Variants in KIF2A observed in about 807,000 individuals in gnomAD.
KIF2A encodes the protein kinesin family member 2A, also known as kinesin-like protein KIF2A.
A neutral mutation model predicts 100.2 loss-of-function variants in KIF2A; 22 were observed. The ratio of observed to expected loss-of-function variants is 0.22; its 90% CI spans 0.16 to 0.31. The LOEUF (loss-of-function observed/expected upper bound fraction) is 0.31, where lower values mean the gene tolerates loss of function less well. Ranked by LOEUF, KIF2A falls within the 10% of genes least tolerant of loss-of-function variation. The probability of loss-of-function intolerance (pLI) is 1.00; values close to 1 mark genes in which losing one functional copy is unlikely to be tolerated. For missense variants in KIF2A, 495 were observed against 898.7 expected, an observed-to-expected ratio of 0.55 and a Z score of 5.74; for synonymous variants, 268 against 285.9, an observed-to-expected ratio of 0.94 and a Z score of 0.63.
chr5:62,353,086 C>A lies in KIF2A; in HGVS notation c.458-189C>A, dbSNP rs546380798. ...TGTTTGAGTCATTTTTCTGGACTCT[C>A]ATCTGTACATTGTCCTATTTTAGTT... On this transcript the variant is annotated intron_variant, in intron 5 of 20. Coordinates refer to ENST00000407818, the MANE Select transcript of KIF2A (RefSeq NM_001098511.3). 1.3e-4 allele frequency: 61 copies of A among 475,464 alleles called. 1 individual carries two copies. The highest frequency in any genetic ancestry group is 1.2e-3 in the African/African-American group (57 of 49,358). The allele number at this position is 475,464 out of a possible 1,614,324, so 29.5% of individuals were successfully genotyped here.
At chr5:62,382,047 C>T (rs1225898515) in intron 20 of KIF2A, among the ~76,000 whole-genome samples, 1 of 152,102 alleles carries the variant, frequency 6.6e-6, no homozygotes, top group East Asian at 1.9e-4. Context: ...ACACTGTTGG[C>T]TTTGTTTAGG....
rs985176712 is a variant in KIF2A, at chr5:62,363,993, TAAA to T, written c.1467+97_1467+99del. 1.1e-5 allele frequency: 11 copies of T among 968,436 alleles called. No individual in the cohort carries two copies. The South Asian group carries it at 1.7e-4, about 15-fold the overall frequency. The allele number at this position is 968,436 out of a possible 1,614,324, so 60.0% of individuals were successfully genotyped here. A position where few individuals can be genotyped will look rare whatever the true frequency, so the allele number is the denominator to read the frequency against. ...AAATAGTAGTACTTGTTTTACCTAA[TAAA>T]AAGAGGTTTTCAAAATTCAGATGCT... On this transcript the variant is annotated intron_variant, in intron 14 of 20. Coordinates refer to ENST00000407818, the MANE Select transcript of KIF2A (RefSeq NM_001098511.3).
At chr5:62,373,551 G>T in intron 17 of KIF2A, 136 bp from the exon 18 acceptor site, 1 of 622,698 alleles carries the variant, frequency 1.6e-6, no homozygotes. Flanking sequence ...ACAGATTTCA[G>T]ATAAATTTTA....
chr5:62,377,602 C>A, intron 18 of KIF2A, 59 bp from the exon 19 acceptor site: 1 of 944,314 alleles, frequency 1.1e-6, no homozygotes. Context: ...AAAAAAACTA[C>A]TTTTATAACA....
chr5:62,382,529 GA>G (rs1286197094), intron 20 of KIF2A, among the ~76,000 whole-genome samples: 2 of 152,004 alleles, frequency 1.3e-5, no homozygotes, highest in Admixed American at 6.5e-5. Context: ...TCCCTTATGT[GA>G]AAAGCTTTGA....
chr5:62,357,245 G>A (rs775639506), intron 7 of KIF2A, among the ~76,000 whole-genome samples: 4 of 148,780 alleles, frequency 2.7e-5, no homozygotes, highest in South Asian at 2.1e-4. Context: ...CACCACTCCC[G>A]GCTAATTTTT....
chr5:62,366,379 AT>A, intron 15 of KIF2A, 34 bp from the exon 16 acceptor site: 1 of 1,373,032 alleles, frequency 7.3e-7, no homozygotes. Flanking sequence ...CATTTATAAC[AT>A]TTTGTTTACC....
intron 1 of KIF2A, among the ~76,000 whole-genome samples, chr5:62,323,669 A>G (rs1746222066): frequency 6.6e-6 from 1 of 152,232 alleles, no homozygotes; most frequent in South Asian, 2.1e-4. Flanking sequence ...GGGATTGGCC[A>G]TATATTGAAA....
chr5:62,351,919 C>T (rs904256617), intron 4 of KIF2A, among the ~76,000 whole-genome samples: 4 of 151,970 alleles, frequency 2.6e-5, no homozygotes, highest in South Asian at 2.1e-4. Flanking sequence ...ACTGGGAGGC[C>T]GAGGTGGGTG....
intron 4 of KIF2A, among the ~76,000 whole-genome samples, chr5:62,351,454 A>T (rs1390632803): frequency 6.6e-6 from 1 of 152,120 alleles, no homozygotes; most frequent in Non-Finnish European, 1.5e-5. Flanking sequence ...GAAGTCTCCC[A>T]TATATTTTCA....
At chr5:62,323,380 G>T (rs1205180823) in intron 1 of KIF2A, among the ~76,000 whole-genome samples, 1 of 151,826 alleles carries the variant, frequency 6.6e-6, no homozygotes, top group Non-Finnish European at 1.5e-5. Flanking sequence ...AAAATTAGCC[G>T]GGCGCGGCGG....
At chr5:62,367,137 G>C (rs1055615525) in intron 16 of KIF2A, among the ~76,000 whole-genome samples, 1 of 152,078 alleles carries the variant, frequency 6.6e-6, no homozygotes, top group Non-Finnish European at 1.5e-5. Flanking sequence ...TCAGGGGCCA[G>C]TTTGTATTTC....
intron 1 of KIF2A, among the ~76,000 whole-genome samples, chr5:62,336,108 C>A (rs1388984850): frequency 6.6e-6 from 1 of 152,124 alleles, no homozygotes; most frequent in East Asian, 1.9e-4. Context: ...AAAGGCATAG[C>A]TGAGCTCAAA....
intron 1 of KIF2A, among the ~76,000 whole-genome samples, chr5:62,343,446 A>T (rs1381981349): frequency 6.6e-6 from 1 of 152,164 alleles, no homozygotes; most frequent in Non-Finnish European, 1.5e-5. Flanking sequence ...GGAATCAGAC[A>T]ATTAAAAAGG....
chr5:62,348,859 T>G (rs996992053), intron 3 of KIF2A, among the ~76,000 whole-genome samples: 1 of 152,318 alleles, frequency 6.6e-6, no homozygotes, highest in East Asian at 1.9e-4. Context: ...GTTGTTTTGC[T>G]TTTTTACATT....
chr5:62,317,503 A>G (rs2111793823), intron 1 of KIF2A, among the ~76,000 whole-genome samples: 1 of 152,372 alleles, frequency 6.6e-6, no homozygotes, highest in South Asian at 2.1e-4. Flanking sequence ...GTCCAAGGTC[A>G]TACATAAAAT....
At chr5:62,314,909 C>T (rs1215972792) in intron 1 of KIF2A, among the ~76,000 whole-genome samples, 2 of 151,658 alleles carry the variant, frequency 1.3e-5, no homozygotes, top group Non-Finnish European at 2.9e-5. Context: ...ATTATAGGCA[C>T]GTGCCACCAT....
intron 1 of KIF2A, among the ~76,000 whole-genome samples, chr5:62,325,960 A>G (rs1447322641): frequency 6.6e-6 from 1 of 152,162 alleles, no homozygotes; most frequent in African/African-American, 2.4e-5. Context: ...GATGGCAACA[A>G]TAGACCCTGG....
chr5:62,327,544 C>T (rs913257571), intron 1 of KIF2A, among the ~76,000 whole-genome samples: 1 of 152,222 alleles, frequency 6.6e-6, no homozygotes, highest in African/African-American at 2.4e-5. Context: ...GAGCCTACTT[C>T]ATATCTCCAC....
Sources: allele counts gnomAD v4.1 joint callset (sites outside exome capture counted in the v4.1 genomes callset), GRCh38; gene constraint gnomAD v4.1.1; transcripts MANE v1.5; gene names NCBI Gene and HGNC (gene_info 2026-07-23, HGNC 2026-07-21).